The following RARS1 variants were observed in gnomAD, a reference collection of about 807,000 sequenced individuals.
The protein encoded by RARS1 is arginine--tRNA ligase, cytoplasmic.
RARS1 carries 75 observed loss-of-function variants against 78.7 expected under a neutral mutation model. That is an observed-to-expected ratio of 0.95 (90% CI 0.79 to 1.15). RARS1 has a LOEUF of 1.15. Among genes scored for constraint, RARS1 ranks in the 50% most tolerant of loss-of-function variants. The pLI, the probability that RARS1 is intolerant of heterozygous loss-of-function variation, is 0.00. For synonymous variants in RARS1, 273 were observed against 268.2 expected (o/e 1.02, Z -0.18); for missense variants, 787 against 787.5 (o/e 1.00, Z 0.01).
chr5:168,507,397 A>G (rs1413211628), intron 11 of RARS1, among the ~76,000 whole-genome samples: 1 of 152,184 alleles, frequency 6.6e-6, no homozygotes, highest in Non-Finnish European at 1.5e-5. Context: ...CCGTGTTTCC[A>G]TACAGTATTC....
chr5:168,488,249 TC>T, intron 1 of RARS1: 1 of 361,004 alleles, frequency 2.8e-6, no homozygotes, highest in South Asian at 2.0e-5. Flanking sequence ...TGCCTCAGCC[TC>T]CCAAGTAGCT....
intron 7 of RARS1, among the ~76,000 whole-genome samples, chr5:168,500,153 G>GT (rs1358494008): frequency 1.2e-5 from 1 of 80,916 alleles, no homozygotes; most frequent in Non-Finnish European, 2.5e-5. Flanking sequence ...TGCCACTCCA[G>GT]CCACTCCAGT....
chr5:168,498,980 A>G (rs528226092), intron 7 of RARS1, among the ~76,000 whole-genome samples: 1 of 152,054 alleles, frequency 6.6e-6, no homozygotes, highest in Non-Finnish European at 1.5e-5. Context: ...TCTCAAAAAA[A>G]AAATTATTTC....
chr5:168,504,824 C>CA (rs879587533), intron 9 of RARS1, among the ~76,000 whole-genome samples: 328 of 136,506 alleles, frequency 2.4e-3, no homozygotes, highest in Non-Finnish European at 2.8e-3. Context: ...GACTCCGTCT[C>CA]AAAAAAAAAA....
chr5:168,503,208 A>G (rs902176059), intron 9 of RARS1, among the ~76,000 whole-genome samples: 1 of 152,170 alleles, frequency 6.6e-6, no homozygotes, highest in African/African-American at 2.4e-5. Context: ...TCCCCATCAG[A>G]CTTTTCCCTA....
At chr5:168,495,494 C>A in intron 6 of RARS1, 58 bp downstream of exon 6, 1 of 1,567,468 alleles carries the variant, frequency 6.4e-7, no homozygotes, top group Non-Finnish European at 8.7e-7. Flanking sequence ...TTGGAAAATT[C>A]TATAGAACAT....
intron 6 of RARS1, 137 bp downstream of exon 6, chr5:168,495,573 C>A: frequency 7.6e-7 from 1 of 1,322,166 alleles, no homozygotes; most frequent in South Asian, 1.8e-5. Context: ...TTCTTTACAA[C>A]CACCCAGTAA....
At position 168,495,503 on chromosome 5, in the gene RARS1, A is replaced by G. The variant is rs1202220585; in HGVS notation, c.701+67A>G. ...TCTTGTTTGGAAAATTCTATAGAAC[A>G]TGGAATATCTCACTCAAGAAAGAAC... On this transcript the variant is annotated intron_variant, in intron 6 of 14. Transcript: ENST00000231572. 3.1e-5 allele frequency: 48 copies of G among 1,545,200 alleles called. No individual in the cohort carries two copies. The Middle Eastern group carries it at 5.2e-4, about 17-fold the overall frequency.
Position 168,504,176 on chromosome 5 carries a change from G to A in RARS1, c.1058-1845G>A, listed in dbSNP as rs556234866. 6.6e-5 allele frequency among the ~76,000 whole-genome samples: 10 copies of A among 151,988 alleles called. No individual in the cohort carries two copies. In the South Asian group the frequency reaches 2.1e-3, roughly 32 times the overall value. On this transcript the variant is annotated intron_variant, in intron 9 of 14. Coordinates refer to ENST00000231572, the MANE Select transcript of RARS1 (RefSeq NM_002887.4). ...GTGGGAGGATCACTTGAGTCCAGGAGTTTGAGGCCAGCCTGGGCAACAATG... is the reference window on the plus strand; with the variant it reads ...GTGGGAGGATCACTTGAGTCCAGGAATTTGAGGCCAGCCTGGGCAACAATG...
rs555389420 is a variant in RARS1, at chr5:168,494,043, A to T, written c.478+41A>T. On this transcript the variant is annotated intron_variant, in intron 4 of 14. Coordinates refer to ENST00000231572, the MANE Select transcript of RARS1 (RefSeq NM_002887.4). ...ATCCTTCTTAATAGTTGTATTGAACATGAGTCCTTTTTGAAGTTAAAAAAG... is the reference window on the plus strand; with the variant it reads ...ATCCTTCTTAATAGTTGTATTGAACTTGAGTCCTTTTTGAAGTTAAAAAAG... 9.3e-6 allele frequency: 14 copies of T among 1,497,754 alleles called. No individual in the cohort carries two copies. In the East Asian group the frequency reaches 3.2e-4, roughly 34 times the overall value. The allele number at this position is 1,497,754 out of a possible 1,614,324, so 92.8% of individuals were successfully genotyped here.
At chr5:168,496,180 G>T (rs531477881) in intron 6 of RARS1, among the ~76,000 whole-genome samples, 1 of 152,032 alleles carries the variant, frequency 6.6e-6, no homozygotes, top group Non-Finnish European at 1.5e-5. Flanking sequence ...AGGAGTTTGA[G>T]ACCAGCCTGG....
At position 168,517,812 on chromosome 5, in the gene RARS1, A is replaced by T; in HGVS notation, c.1626-3A>T. 5 of 1,592,600 alleles carry T rather than the reference A, an allele frequency of 3.1e-6. No individual in the cohort carries two copies. The highest frequency in any genetic ancestry group is 1.7e-4 in the Middle Eastern group (1 of 5,984). ...GCCTGATGATTTTTTTGTTTTTTTT[A>T]AGGTCTATTGCACGTCTGGCCAATA... On this transcript the variant is annotated splice_region_variant and splice_polypyrimidine_tract_variant and intron_variant, in intron 13 of 14. Coordinates refer to ENST00000231572, the MANE Select transcript of RARS1 (RefSeq NM_002887.4).
In RARS1 at chr5:168,493,802, C is replaced by T. The variant is rs989007578; in HGVS notation, c.370-92C>T. On this transcript the variant is annotated intron_variant, in intron 3 of 14. Transcript: ENST00000231572. ...GCTTCTGCCTTTTGATGGTTCTTAA[C>T]GTAAAATGCATCTCGTGCCTTGTCA... is the stretch of plus-strand genomic sequence containing the variant. The T allele has an allele frequency of 1.4e-4, 128 of 934,244 alleles. 1 individual carries two copies. In the Admixed American group the frequency reaches 2.5e-3, roughly 18 times the overall value. The allele number at this position is 934,244 out of a possible 1,614,324, so 57.9% of individuals were successfully genotyped here. A position where few individuals can be genotyped will look rare whatever the true frequency, so the allele number is the denominator to read the frequency against.
intron 13 of RARS1, among the ~76,000 whole-genome samples, chr5:168,517,201 G>T (rs554575765): frequency 6.6e-6 from 1 of 152,078 alleles, no homozygotes; most frequent in African/African-American, 2.4e-5. Context: ...GGAGTGCAGT[G>T]GCGCGATCTC....
chr5:168,503,444 C>G (rs1382942023), intron 9 of RARS1, among the ~76,000 whole-genome samples: 1 of 152,104 alleles, frequency 6.6e-6, no homozygotes, highest in Non-Finnish European at 1.5e-5. Context: ...AGGTTTGTTC[C>G]TTAGCATCTC....
chr5:168,492,550 C>CT (rs1758106537), intron 2 of RARS1, 109 bp from the exon 3 acceptor site: 1 of 977,904 alleles, frequency 1.0e-6, no homozygotes, highest in Non-Finnish European at 1.5e-6. Flanking sequence ...TACGTTTTCC[C>CT]TTTTGGTTCT....
intron 12 of RARS1, among the ~76,000 whole-genome samples, chr5:168,513,426 T>C (rs1758605069): frequency 6.6e-6 from 1 of 151,966 alleles, no homozygotes; most frequent in Non-Finnish European, 1.5e-5. Flanking sequence ...TTCAAGCAGT[T>C]CTCCTGCCTC....
chr5:168,491,903 G>GGCA (rs1758093610), intron 2 of RARS1, among the ~76,000 whole-genome samples: 1 of 150,258 alleles, frequency 6.7e-6, no homozygotes, highest in African/African-American at 2.5e-5. Flanking sequence ...AAGGTGTATA[G>GGCA]GCAGCATGTT....
intron 12 of RARS1, 39 bp from the exon 13 acceptor site, chr5:168,516,739 G>T (rs752421204): frequency 6.2e-7 from 1 of 1,602,126 alleles, no homozygotes; most frequent in African/African-American, 1.3e-5. Context: ...AGAAGCAGCA[G>T]TCAGTAAGCT....
Sources: allele counts gnomAD v4.1 joint callset (sites outside exome capture counted in the v4.1 genomes callset), GRCh38; gene constraint gnomAD v4.1.1; transcripts MANE v1.5; gene names NCBI Gene and HGNC (gene_info 2026-07-23, HGNC 2026-07-21).